Variants in PLA2G4F observed in about 807,000 individuals in gnomAD.
PLA2G4F encodes cytosolic phospholipase A2 zeta.
In PLA2G4F, 105 loss-of-function variants were observed where a neutral mutation model predicts 103.1. The observed-to-expected ratio is 1.02, with a 90% CI of 0.87 to 1.20. PLA2G4F has a LOEUF of 1.20. Ranked by LOEUF, PLA2G4F falls within the 50% of genes most tolerant of loss-of-function variation. The pLI is 0.00. For missense variants in PLA2G4F, 1,155 were observed against 1,075.9 expected (o/e 1.07, Z -1.03); for synonymous variants, 468 against 441.1 (o/e 1.06, Z -0.76).
Position 42,142,271 on chromosome 15 carries a change from A to G in PLA2G4F, c.2330-67T>C, listed in dbSNP as rs111344378. ...TCTGTGGAACTGGCTGGAACAGCCC[A>G]GAAGTCTTCCTTGTGCAGGACACCT... On this transcript the variant is annotated intron_variant, in intron 19 of 19. Coordinates refer to ENST00000397272, the MANE Select transcript of PLA2G4F (RefSeq NM_213600.4). The G allele has an allele frequency of 3.2e-3, 4,624 of 1,439,488 alleles. 109 individuals carry two copies. The African/African-American group carries it at 0.053, about 16-fold the overall frequency. The allele number at this position is 1,439,488 out of a possible 1,614,324, so 89.2% of individuals were successfully genotyped here. A position where few individuals can be genotyped will look rare whatever the true frequency, so the allele number is the denominator to read the frequency against.
rs201434411 is a variant in PLA2G4F at position 42,145,888 on chromosome 15, G to A, written c.1550C>T (p.Thr517Met). ...CTTGGGGAAGCCAACCTCATAGGGC[G>A]TGAACTCGCACCACTCTAGGGGCCC... ...GEDFAEWCEF[T>M]PYEVGFPKYG... Residue 517 changes from threonine to methionine, a missense_variant, in exon 15 of 20, where the codon ACG becomes ATG. Physicochemically the swap from Thr to Met is moderately conservative, Grantham distance 81. Coordinates refer to ENST00000397272, the MANE Select transcript of PLA2G4F (RefSeq NM_213600.4). 364 of 1,614,002 alleles carry A rather than the reference G, an allele frequency of 2.3e-4. 1 individual carries two copies. The highest frequency in any genetic ancestry group is 3.3e-4 in the Middle Eastern group (2 of 6,060).
chr15:42,142,467 C>T, intron 19 of PLA2G4F, 61 bp downstream of exon 19: 9 of 1,521,214 alleles, frequency 5.9e-6, no homozygotes, highest in Non-Finnish European at 8.0e-6. Context: ...ACCCTCAGAA[C>T]AGCGTCCCAT....
At chr15:42,144,235 C>T (rs2048855931) in intron 17 of PLA2G4F, 91 bp from the exon 18 acceptor site, 1 of 1,467,670 alleles carries the variant, frequency 6.8e-7, no homozygotes, top group Admixed American at 2.0e-5. Context: ...TGCCTTCTCT[C>T]TGTAGAGTTC....
intron 9 of PLA2G4F, 72 bp downstream of exon 9, chr15:42,150,301 C>T: frequency 1.3e-6 from 2 of 1,538,466 alleles, no homozygotes; most frequent in South Asian, 1.2e-5. Context: ...CTCTTGGGTC[C>T]CTCCTCCAGA....
chr15:42,151,416 C>T (rs1453101784), intron 7 of PLA2G4F: 4 of 985,190 alleles, frequency 4.1e-6, no homozygotes, highest in African/African-American at 1.7e-5. Context: ...TGCCCAGCTT[C>T]CCAGCAGCTT....
intron 11 of PLA2G4F, chr15:42,149,460 G>A: frequency 1.0e-6 from 1 of 976,610 alleles, no homozygotes; most frequent in Non-Finnish European, 1.2e-6. Context: ...AGAACTGAGA[G>A]AAAAGTCATT....
rs1595617770 is a variant in PLA2G4F at position 42,145,436 on chromosome 15, G to C, written c.1780+139C>G. On this transcript the variant is annotated intron_variant, in intron 16 of 19. Transcript: ENST00000397272. ...CTGGGCATCTAGACACCCTAAGCTA[G>C]AAGTCATTTCCTCAGGACTTCCCCG... 3.6e-6 allele frequency: 3 copies of C among 841,910 alleles called. No homozygotes were observed. The East Asian group carries it at 7.4e-5, about 21-fold the overall frequency. The allele number at this position is 841,910 out of a possible 1,614,324, so 52.2% of individuals were successfully genotyped here.
Position 42,147,625 on chromosome 15 carries a change from C to G in PLA2G4F, c.1196+1G>C. ...CTGTGCCCTGCCCCCACCTCACTTA[C>G]CAGGTAGACCCAGAGACCCCACTCA... On this transcript the variant is annotated splice_donor_variant, in intron 12 of 19. Coordinates refer to ENST00000397272, the MANE Select transcript of PLA2G4F (RefSeq NM_213600.4). LOFTEE classifies it high-confidence loss of function. 1 of 1,613,990 alleles carries G rather than the reference C, an allele frequency of 6.2e-7. No homozygotes were observed. The highest frequency in any genetic ancestry group is 1.1e-5 in the South Asian group (1 of 91,078).
At position 42,139,401 on chromosome 15, in the gene PLA2G4F, A is replaced by G. The variant is rs1161459287; in HGVS notation, c.*2583T>C. The G allele has an allele frequency of 2.6e-5, 4 of 152,096 alleles. No individual in the cohort carries two copies. Among genetic ancestry groups the G allele is most frequent in the Admixed American group, 2.6e-4 (4 of 15,276 alleles). The allele number at this position is 152,096 out of a possible 1,614,324, so 9.4% of individuals were successfully genotyped here. A position where few individuals can be genotyped will look rare whatever the true frequency, so the allele number is the denominator to read the frequency against. On this transcript the variant is annotated 3_prime_UTR_variant, in exon 20 of 20. Coordinates refer to ENST00000397272, the MANE Select transcript of PLA2G4F (RefSeq NM_213600.4). ...TGCTCCTTTCCCTATAGCTTCTCCC[A>G]CCACTCTGACCAATCTCCTACACTT...
In PLA2G4F at chr15:42,145,860, G is replaced by A. The variant is rs147900336; in HGVS notation, c.1578C>T (p.Tyr526=). The A allele has an allele frequency of 7.9e-5, 128 of 1,613,958 alleles. No individual in the cohort carries two copies. The highest frequency in any genetic ancestry group is 1.3e-4 in the East Asian group (6 of 44,892). ...AGAGCTCGGTGGGAACATAAGCCCC[G>A]TACTTGGGGAAGCCAACCTCATAGG... ...FTPYEVGFPK[Y]GAYVPTELFG... The change falls in exon 15 of 20, where the codon TAC becomes TAT. Residue 526 remains tyrosine, a synonymous_variant. Transcript: ENST00000397272.
intron 11 of PLA2G4F, 192 bp downstream of exon 11, chr15:42,149,521 T>A (rs1047460904): frequency 1.0e-6 from 1 of 985,422 alleles, no homozygotes; most frequent in Non-Finnish European, 1.2e-6. Context: ...GCGGCCCACA[T>A]AGACATCCAG....
chr15:42,151,602 C>T, intron 7 of PLA2G4F: 1 of 985,344 alleles, frequency 1.0e-6, no homozygotes, highest in Non-Finnish European at 1.2e-6. Context: ...GAGTCCCTGC[C>T]CTACAGCCCC....
chr15:42,149,694 C>T lies in PLA2G4F; in HGVS notation c.1059+19G>A, dbSNP rs1384782568. The T allele has an allele frequency of 1.2e-6, 2 of 1,613,806 alleles. No individual in the cohort carries two copies. The highest frequency in any genetic ancestry group is 3.3e-5 in the Admixed American group (2 of 60,002). ...TAGTCCTAGAGGCTCTGGGGTCCAG[C>T]TCCTCCTCCATTACGTACCTGGCCA... On this transcript the variant is annotated intron_variant, in intron 11 of 19. Coordinates refer to ENST00000397272, the MANE Select transcript of PLA2G4F (RefSeq NM_213600.4).
At position 42,150,367 on chromosome 15, in the gene PLA2G4F, C is replaced by A; in HGVS notation, c.885+6G>T. 6.2e-7 allele frequency: 1 copy of A among 1,603,154 alleles called. No homozygotes were observed. The highest frequency in any genetic ancestry group is 8.5e-7 in the Non-Finnish European group (1 of 1,175,026). Reference sequence around the variant, plus strand: ...GGGTCCCTCTGGCACCCAGACAGAGCCTTACCTCCCCCAGGGCCACAGAAC... The same window carrying A: ...GGGTCCCTCTGGCACCCAGACAGAGACTTACCTCCCCCAGGGCCACAGAAC... On this transcript the variant is annotated splice_donor_region_variant and intron_variant, in intron 9 of 19. Transcript: ENST00000397272.
At chr15:42,150,293 C>T (rs2048942438) in intron 9 of PLA2G4F, 80 bp downstream of exon 9, 5 of 1,535,270 alleles carry the variant, frequency 3.3e-6, no homozygotes, top group East Asian at 4.7e-5. Context: ...CAGCCACCCT[C>T]TTGGGTCCCT....
At position 42,154,217 on chromosome 15, in the gene PLA2G4F, C is replaced by T. The variant is rs138153111; in HGVS notation, c.325G>A (p.Val109Ile). Reference sequence around the variant, plus strand: ...TTGTCATAGAGGGTGAGCTCCAGGACGTTCTGGGGACAAGGCAGGCAGGAG... The same window carrying T: ...TTGTCATAGAGGGTGAGCTCCAGGATGTTCTGGGGACAAGGCAGGCAGGAG... ...HYQIHGAVKN[V>I]LELTLYDKDI... The change falls in exon 4 of 20, where the codon GTC (valine) becomes ATC (isoleucine). Residue 109 changes from valine to isoleucine, a missense_variant. By Grantham distance (29) the Val-to-Ile change is conservative. Around this residue, in one of 3 missense-constraint regions of PLA2G4F, gnomAD observed 370 missense variants for 364.9 expected, o/e 1.01. Coordinates refer to ENST00000397272, the MANE Select transcript of PLA2G4F (RefSeq NM_213600.4). 2.0e-4 allele frequency: 330 copies of T among 1,614,162 alleles called. No individual in the cohort carries two copies. In the African/African-American group the frequency reaches 3.1e-3, roughly 15 times the overall value.
Position 42,153,387 on chromosome 15 carries a change from A to G in PLA2G4F, c.492-45T>C, listed in dbSNP as rs138404001. On this transcript the variant is annotated intron_variant, in intron 5 of 19. Transcript: ENST00000397272. ...CATGGAGAATACATCTGGCCCCATC[A>G]TGATGGCCTCTACAATCATAATGTG... is the stretch of plus-strand genomic sequence containing the variant. The G allele has an allele frequency of 1.8e-5, 28 of 1,594,596 alleles. No homozygotes were observed. In the Admixed American group the frequency reaches 4.7e-4, roughly 27 times the overall value.
At chr15:42,149,888 G>T (rs764897745) in intron 10 of PLA2G4F, 40 bp from the exon 11 acceptor site, 1 of 1,605,338 alleles carries the variant, frequency 6.2e-7, no homozygotes, top group Admixed American at 1.7e-5. Context: ...GGGGTTCTGG[G>T]TGACTGTCCA....
rs748667703 is a variant in PLA2G4F at position 42,154,364 on chromosome 15, C to A, written c.279G>T (p.Glu93Asp). The A allele has an allele frequency of 3.7e-6, 6 of 1,611,854 alleles. No individual in the cohort carries two copies. The highest frequency in any genetic ancestry group is 3.3e-5 in the Admixed American group (2 of 59,866). The change falls in exon 3 of 20, where the codon GAG (glutamate) becomes GAT (aspartate). Residue 93 changes from glutamate (E) to aspartate (D), a missense_variant. Transcript: ENST00000397272. ...TCTGGTAGTGGAAGGTCTCATTCCA[C>A]TCGGGGTCACTGCAGTTGGCCACTA... ...TRIVANCSDP[E>D]WNETFHYQIH...
Sources: allele counts gnomAD v4.1 joint callset, GRCh38; gene constraint gnomAD v4.1.1; regional missense constraint gnomAD v4.1.1; transcripts MANE v1.5; gene names NCBI Gene and HGNC (gene_info 2026-07-23, HGNC 2026-07-21).